Variants in PRELID2 observed in about 807,000 individuals in gnomAD.
The protein encoded by PRELID2 is PRELI domain-containing protein 2.
Under a neutral mutation model 28.4 loss-of-function variants are expected in PRELID2, and 25 were observed. That is an observed-to-expected ratio of 0.88 (90% CI 0.64 to 1.23). The LOEUF (loss-of-function observed/expected upper bound fraction) is 1.23. Ranked by LOEUF, PRELID2 falls within the 50% of genes most tolerant of loss-of-function variation. The pLI is 0.00. For missense variants in PRELID2, 201 were observed against 214.4 expected (o/e 0.94, Z 0.39); for synonymous variants, 76 against 71.6 (o/e 1.06, Z -0.31).
intron 1 of PRELID2, among the ~76,000 whole-genome samples, chr5:145,591,929 G>A (rs13356922): frequency 0.11 from 16,610 of 152,144 alleles, 2,442 homozygotes; most frequent in African/African-American, 0.34. Context: ...AACCTACTAT[G>A]TCAGTCTCAC....
At chr5:145,808,245 A>C (rs564879623) in intron 4 of PRELID2, among the ~76,000 whole-genome samples, 1 of 152,204 alleles carries the variant, frequency 6.6e-6, no homozygotes, top group South Asian at 2.1e-4. Context: ...GCAGAGCCAG[A>C]GTGTTTTAAT....
chr5:145,336,643 C>T, the PRELID2 span, among the ~76,000 whole-genome samples: 1 of 151,948 alleles, frequency 6.6e-6, no homozygotes, highest in Non-Finnish European at 1.5e-5. Context: ...GTCTCTGTTG[C>T]TATAAAGACA....
chr5:145,683,890 G>T (rs1337925290), intron 1 of PRELID2, among the ~76,000 whole-genome samples: 2 of 152,090 alleles, frequency 1.3e-5, no homozygotes, highest in Non-Finnish European at 1.5e-5. Context: ...GATGCACATT[G>T]CTTATTGGTA....
chr5:145,813,776 C>G lies in PRELID2; in HGVS notation c.368+4118G>C, dbSNP rs758607634. ...TGGAGAGGACTGGAACATAACAAAC[C>G]AAAGGAAGAAAAAAAAAAATTTAAC... On this transcript the variant is annotated intron_variant, in intron 4 of 6. Transcript: ENST00000683046. Among the ~76,000 whole-genome samples the G allele has an allele frequency of 4.5e-4, 68 of 150,878 alleles. 1 individual carries two copies. The highest frequency in any genetic ancestry group is 6.9e-3 in the Middle Eastern group (2 of 290).
chr5:145,632,346 G>T (rs1422748652), intron 1 of PRELID2, among the ~76,000 whole-genome samples: 1 of 152,076 alleles, frequency 6.6e-6, no homozygotes, highest in Non-Finnish European at 1.5e-5. Flanking sequence ...CTGGTTAATT[G>T]TAATAACAAA....
chr5:145,697,309 C>A (rs1212041093), intron 1 of PRELID2, among the ~76,000 whole-genome samples: 3 of 151,882 alleles, frequency 2.0e-5, no homozygotes, highest in Non-Finnish European at 4.4e-5. Context: ...TTTAATCTCA[C>A]AGCAACCCTG....
At position 145,653,148 on chromosome 5, in the gene PRELID2, A is replaced by G. The variant is rs546466643; in HGVS notation, n.70+111783T>C. Among the ~76,000 whole-genome samples the G allele has an allele frequency of 2.7e-3, 418 of 152,360 alleles. 3 individuals are homozygous for G. The highest frequency in any genetic ancestry group is 4.7e-3 in the Non-Finnish European group (322 of 68,034). ...TTAAACCAACAAAGATCAAAAGGAC[A>G]AAGAAGGCCATTACATAATGGTAAA... On this transcript the variant is annotated intron_variant and non_coding_transcript_variant, in intron 1 of 2. Transcript: ENST00000510259.
intron 1 of PRELID2, among the ~76,000 whole-genome samples, chr5:145,825,486 T>C (rs1369078599): frequency 1.3e-5 from 2 of 152,186 alleles, no homozygotes; most frequent in Non-Finnish European, 1.5e-5. Context: ...TTATCTCGTT[T>C]ACTACAGTTC....
intron 1 of PRELID2, among the ~76,000 whole-genome samples, chr5:145,705,735 T>C (rs995093263): frequency 2.0e-5 from 3 of 152,184 alleles, no homozygotes; most frequent in South Asian, 2.1e-4. Context: ...GAAGCAGCTA[T>C]AGATAATATG....
chr5:145,678,083 T>C (rs2149687169), intron 1 of PRELID2, among the ~76,000 whole-genome samples: 1 of 152,362 alleles, frequency 6.6e-6, no homozygotes, highest in Admixed American at 6.5e-5. Context: ...ACTTGTGCTG[T>C]GTAAAGAGGA....
At chr5:145,735,055 G>A (rs945638966) in intron 1 of PRELID2, among the ~76,000 whole-genome samples, 16 of 150,854 alleles carry the variant, frequency 1.1e-4, no homozygotes, top group Non-Finnish European at 2.2e-4. Flanking sequence ...GACCAGCCTG[G>A]CCAACATGAT....
At chr5:145,634,651 C>T (rs1056558376) in intron 1 of PRELID2, among the ~76,000 whole-genome samples, 4 of 152,146 alleles carry the variant, frequency 2.6e-5, no homozygotes, top group African/African-American at 9.7e-5. Context: ...GCTTCCCTCC[C>T]TCCCTGGCTG....
chr5:145,286,716 G>GTTTTTTTTTTTTTTTTTTTTT, the PRELID2 span, among the ~76,000 whole-genome samples: 1 of 63,072 alleles, frequency 1.6e-5, no homozygotes, highest in African/African-American at 7.7e-5. Context: ...TTTTTTGTTT[G>GTTTTTTTTTTTTTTTTTTTTT]TTTGTTTGTT....
intron 1 of PRELID2, among the ~76,000 whole-genome samples, chr5:145,667,548 CAG>C (rs1754618444): frequency 6.6e-6 from 1 of 152,026 alleles, no homozygotes. Context: ...CAGTGAGTGA[CAG>C]AGTCATCAAT....
intron 5 of PRELID2, among the ~76,000 whole-genome samples, chr5:145,783,832 T>C (rs1297827413): frequency 6.6e-6 from 1 of 152,224 alleles, no homozygotes; most frequent in East Asian, 1.9e-4. Context: ...GACGGTTTTA[T>C]GCTCTTTTCC....
chr5:145,293,096 T>C, the PRELID2 span, among the ~76,000 whole-genome samples: 7 of 152,130 alleles, frequency 4.6e-5, no homozygotes, highest in African/African-American at 1.7e-4. Flanking sequence ...TCCCATTGAC[T>C]ATAACTGAGT....
intron 1 of PRELID2, among the ~76,000 whole-genome samples, chr5:145,505,199 T>C (rs1465465138): frequency 3.3e-5 from 5 of 152,206 alleles, no homozygotes; most frequent in Admixed American, 3.3e-4. Context: ...TTCTGATCAA[T>C]ACTATTCATC....
chr5:145,817,196 AAAATAAATAAATAAAT>A lies in PRELID2; in HGVS notation c.368+682_368+697del, dbSNP rs199802122. Among the ~76,000 whole-genome samples, 117 of 85,068 alleles carry A rather than the reference AAAATAAATAAATAAAT, an allele frequency of 1.4e-3. 1 individual carries two copies. The highest frequency in any genetic ancestry group is 3.0e-3 in the South Asian group (7 of 2,304). The allele number at this position is 85,068 out of a possible 152,430, so 55.8% of individuals were successfully genotyped here. On this transcript the variant is annotated intron_variant, in intron 4 of 6. Coordinates refer to ENST00000683046, the MANE Select transcript of PRELID2 (RefSeq NM_205846.3). Reference sequence around the variant, plus strand: ...ACAGAGCAAGACTGCATTTCAAAAAAAAATAAATAAATAAATAAAAAAAAATATATATATATATATA... The same window carrying A: ...ACAGAGCAAGACTGCATTTCAAAAAAAAAAAAAAATATATATATATATATA...
chr5:145,300,502 C>T, the PRELID2 span, among the ~76,000 whole-genome samples: 1 of 151,700 alleles, frequency 6.6e-6, no homozygotes, highest in African/African-American at 2.4e-5. Context: ...TTTATTTAAG[C>T]TCAATTATCT....
Sources: allele counts gnomAD v4.1 joint callset (sites outside exome capture counted in the v4.1 genomes callset), GRCh38; gene constraint gnomAD v4.1.1; transcripts MANE v1.5; gene names NCBI Gene and HGNC (gene_info 2026-07-23, HGNC 2026-07-21).